Variants in CYB5R3 observed in about 807,000 individuals in gnomAD.
CYB5R3 encodes NADH-cytochrome b5 reductase 3.
CYB5R3 carries 28 observed loss-of-function variants against 36.5 expected under a neutral mutation model. The observed-to-expected ratio is 0.77, with a 90% confidence interval of 0.57 to 1.05. CYB5R3 has a LOEUF of 1.05. Among genes scored for constraint, CYB5R3 ranks in the 50% least tolerant of loss-of-function variants. The probability of loss-of-function intolerance (pLI) is 0.00; values close to 1 mark genes in which losing one functional copy is unlikely to be tolerated. For synonymous variants in CYB5R3, 181 were observed against 159.8 expected (o/e 1.13, Z -1.00); for missense variants, 474 against 408.9 (o/e 1.16, Z -1.37).
intron 2 of CYB5R3, among the ~76,000 whole-genome samples, chr22:42,634,740 T>C (rs6002834): frequency 4.6e-5 from 5 of 109,862 alleles, no homozygotes; most frequent in Admixed American, 8.8e-5. Context: ...ATTCTCCTGC[T>C]TCAGCCTCTG....
intron 1 of CYB5R3, chr22:42,638,918 C>A: frequency 3.4e-6 from 1 of 296,312 alleles, no homozygotes; most frequent in Non-Finnish European, 6.7e-6. Context: ...CCTGGAATCC[C>A]AGCTACTCAG....
At chr22:42,631,786 T>G in intron 2 of CYB5R3, 1 of 400,134 alleles carries the variant, frequency 2.5e-6, no homozygotes, top group East Asian at 5.0e-5. Context: ...TGCCATCAGC[T>G]CAAGCAGTGG....
chr22:42,624,156 G>A (rs1049716563), intron 7 of CYB5R3, among the ~76,000 whole-genome samples: 13 of 152,194 alleles, frequency 8.5e-5, no homozygotes, highest in African/African-American at 2.4e-4. Flanking sequence ...AAATGGGCTC[G>A]ATGTCCCGAG....
chr22:42,643,352 A>G (rs894205138), intron 1 of CYB5R3, among the ~76,000 whole-genome samples: 1 of 152,022 alleles, frequency 6.6e-6, no homozygotes, highest in Non-Finnish European at 1.5e-5. Context: ...TTTTCCTGCC[A>G]CCCTCACGGG....
At chr22:42,636,449 A>C (rs1928896474) in intron 2 of CYB5R3, among the ~76,000 whole-genome samples, 1 of 152,140 alleles carries the variant, frequency 6.6e-6, no homozygotes, top group Admixed American at 6.5e-5. Flanking sequence ...ATTGAACCTA[A>C]AAGTTCTGAG....
chr22:42,630,288 C>T (rs569922256), intron 4 of CYB5R3, among the ~76,000 whole-genome samples: 4 of 152,292 alleles, frequency 2.6e-5, no homozygotes, highest in Non-Finnish European at 4.4e-5. Context: ...CCAGACAACA[C>T]CACACGAGCC....
chr22:42,632,830 C>G (rs1928689594), intron 2 of CYB5R3: 1 of 152,198 alleles, frequency 6.6e-6, no homozygotes, highest in African/African-American at 2.4e-5. Flanking sequence ...AGTTCGAGAC[C>G]AGTCTGAACA....
At chr22:42,629,038 G>C (rs1265879855) in intron 4 of CYB5R3, among the ~76,000 whole-genome samples, 1 of 152,148 alleles carries the variant, frequency 6.6e-6, no homozygotes, top group Non-Finnish European at 1.5e-5. Context: ...CCTTTATCAA[G>C]GACCAAGGGA....
rs1423447476 is a variant in CYB5R3 at position 42,621,321 on chromosome 22, T to G, written c.734-1376A>C. Among the ~76,000 whole-genome samples, 4 of 152,322 alleles carry G rather than the reference T, an allele frequency of 2.6e-5. No homozygotes were observed. In the East Asian group the frequency reaches 7.7e-4, roughly 29 times the overall value. ...CCAGCCTGGAGCTCCTGGGCTCATG[T>G]GATCCTCTTGCCTTAGCTTTGAATA... On this transcript the variant is annotated intron_variant, in intron 8 of 8. Coordinates refer to ENST00000352397, the MANE Select transcript of CYB5R3 (RefSeq NM_000398.7).
chr22:42,645,742 C>A (rs1242249597), intron 1 of CYB5R3, among the ~76,000 whole-genome samples: 1 of 152,144 alleles, frequency 6.6e-6, no homozygotes, highest in African/African-American at 2.4e-5. Flanking sequence ...GACTTGAGCC[C>A]GGGGACACTT....
intron 1 of CYB5R3, among the ~76,000 whole-genome samples, chr22:42,638,728 T>TTAAAAA (rs1569324852): frequency 2.1e-5 from 1 of 47,488 alleles, no homozygotes; most frequent in African/African-American, 1.1e-4. Context: ...CAAGACTCCA[T>TTAAAAA]AAAAAAAAAA....
intron 1 of CYB5R3, among the ~76,000 whole-genome samples, chr22:42,637,898 G>A (rs1477486751): frequency 6.6e-6 from 1 of 152,128 alleles, no homozygotes; most frequent in South Asian, 2.1e-4. Context: ...CCTGCCACAC[G>A]GCCCTGAGGG....
At chr22:42,620,830 C>T (rs992757971) in intron 8 of CYB5R3, among the ~76,000 whole-genome samples, 2 of 152,222 alleles carry the variant, frequency 1.3e-5, no homozygotes, top group African/African-American at 4.8e-5. Context: ...CCCTTTTCAC[C>T]TTGGCTGCTG....
chr22:42,629,623 C>A (rs904106818), intron 4 of CYB5R3, among the ~76,000 whole-genome samples: 8 of 152,194 alleles, frequency 5.3e-5, no homozygotes, highest in African/African-American at 1.9e-4. Context: ...CCAGTGCCTG[C>A]CCCCAGACCT....
chr22:42,622,655 G>A (rs553305303), intron 8 of CYB5R3, among the ~76,000 whole-genome samples: 18 of 152,286 alleles, frequency 1.2e-4, no homozygotes, highest in East Asian at 3.9e-4. Flanking sequence ...CTAGCCAGGT[G>A]GTGCAAGTCC....
At chr22:42,647,077 C>G in intron 1 of CYB5R3, 1 of 674,070 alleles carries the variant, frequency 1.5e-6, no homozygotes, top group South Asian at 6.6e-5. Context: ...AGATAAGACA[C>G]CTAGAGCACC....
Position 42,627,779 on chromosome 22 carries a change from C to T in CYB5R3, c.464-91G>A. ...GAGAGGGGGCTGGAGAACCTGCCCCCACTGTGAGGTCCGAGGTAGAGGCAG... is the reference window on the plus strand; with the variant it reads ...GAGAGGGGGCTGGAGAACCTGCCCCTACTGTGAGGTCCGAGGTAGAGGCAG... On this transcript the variant is annotated intron_variant, in intron 5 of 8. Coordinates refer to ENST00000352397, the MANE Select transcript of CYB5R3 (RefSeq NM_000398.7). The T allele has an allele frequency of 1.2e-5, 12 of 962,046 alleles. No individual in the cohort carries two copies. The South Asian group carries it at 1.4e-4, about 11-fold the overall frequency. 59.6% of individuals were successfully genotyped at this position (962,046 alleles called of 1,614,324 possible). A position where few individuals can be genotyped will look rare whatever the true frequency, so the allele number is the denominator to read the frequency against.
chr22:42,644,428 G>T, intron 1 of CYB5R3: 1 of 736,746 alleles, frequency 1.4e-6, no homozygotes, highest in Non-Finnish European at 2.4e-6. Flanking sequence ...AGCCCATCTT[G>T]CTTCAGGCGT....
intron 2 of CYB5R3, among the ~76,000 whole-genome samples, chr22:42,633,697 C>CA (rs1314199972): frequency 6.6e-6 from 1 of 152,218 alleles, no homozygotes; most frequent in Non-Finnish European, 1.5e-5. Context: ...GCAGAAGAAT[C>CA]ACTTGAACCT....
Sources: gnomAD v4.1 joint callset for allele counts (sites outside exome capture counted in the v4.1 genomes callset) on GRCh38, gnomAD v4.1.1 for gene constraint, MANE v1.5 for transcripts, NCBI Gene and HGNC (gene_info 2026-07-23, HGNC 2026-07-21) for gene names.